CCNF: variants seen among roughly 807,000 people sequenced by gnomAD.
CCNF encodes cyclin-F.
CCNF carries 30 observed loss-of-function variants against 85.4 expected under a neutral mutation model. That is an observed-to-expected ratio of 0.35 (90% CI 0.26 to 0.48). CCNF has a LOEUF of 0.48. CCNF is among the 20% of genes least tolerant of loss of function. The pLI, the probability that CCNF is intolerant of heterozygous loss-of-function variation, is 0.99. For synonymous variants in CCNF, 439 were observed against 425.1 expected (o/e 1.03, Z -0.40); for missense variants, 919 against 1,010.4 (o/e 0.91, Z 1.23).
In CCNF at chr16:2,453,914, C is replaced by T. The variant is rs2065409836; in HGVS notation, c.1715+377C>T. On this transcript the variant is annotated intron_variant, in intron 15 of 16. Coordinates refer to ENST00000397066, the MANE Select transcript of CCNF (RefSeq NM_001761.3). This position sits in a 1 kb window ranked among gnomAD's most constrained non-coding sequence, Gnocchi z 5.6. ...CCGGCACTCGAGCTGTGACCTGAGT[C>T]ACATCCCCAGCACTTCCCTCGCCAC... is the stretch of plus-strand genomic sequence containing the variant. Among the ~76,000 whole-genome samples, 1 of 152,188 alleles carries T rather than the reference C, an allele frequency of 6.6e-6. No individual in the cohort carries two copies. The highest frequency in any genetic ancestry group is 2.1e-4 in the South Asian group (1 of 4,834).
chr16:2,435,626 CACATAT>C (rs2065285189), intron 3 of CCNF, among the ~76,000 whole-genome samples, 174 bp from the exon 4 acceptor site: 3 of 10,992 alleles, frequency 2.7e-4, no homozygotes, highest in Non-Finnish European at 1.4e-4. Context: ...CACACACACA[CACATAT>C]ATATGCACAC....
At chr16:2,443,122 T>A (rs1207630119) in intron 8 of CCNF, among the ~76,000 whole-genome samples, 1 of 133,464 alleles carries the variant, frequency 7.5e-6, no homozygotes, top group African/African-American at 2.8e-5. Flanking sequence ...ATATTACATA[T>A]TATATATTAT....
chr16:2,455,844 C>G (rs1172387082), intron 16 of CCNF, among the ~76,000 whole-genome samples: 2 of 152,180 alleles, frequency 1.3e-5, no homozygotes, highest in Non-Finnish European at 2.9e-5. Flanking sequence ...GAGGACCTCA[C>G]TAGGATGAGG....
chr16:2,449,314 G>A lies in CCNF; in HGVS notation c.1251G>A (p.Leu417=), dbSNP rs1301088609. ...VPTVVDYKEV[L]LTLVPVELRT... ...CTGTGGTGGATTACAAGGAGGTCCT[G>A]CTGACGCTAGTCCCTGTGGAGCTGA... Residue 417 remains leucine (L), a synonymous_variant, in exon 12 of 17, where the codon CTG becomes CTA. Transcript: ENST00000397066. The A allele has an allele frequency of 6.2e-7, 1 of 1,613,916 alleles. No individual in the cohort carries two copies. The highest frequency in any genetic ancestry group is 1.7e-5 in the Admixed American group (1 of 60,034).
Position 2,449,100 on chromosome 16 carries a change from T to C in CCNF, c.1218+122T>C, listed in dbSNP as rs1032760519. ...GGACTCAGAGAGCAGCTGTCTCTGC[T>C]GTGCCCAAAGCCATGGAGCAGGAGG... On this transcript the variant is annotated intron_variant, in intron 11 of 16. Coordinates refer to ENST00000397066, the MANE Select transcript of CCNF (RefSeq NM_001761.3). 2.0e-6 allele frequency: 3 copies of C among 1,484,710 alleles called. No individual in the cohort carries two copies. In the South Asian group the frequency reaches 3.4e-5, roughly 17 times the overall value. 92.0% of individuals were successfully genotyped at this position (1,484,710 alleles called of 1,614,324 possible).
intron 8 of CCNF, among the ~76,000 whole-genome samples, chr16:2,440,213 C>T (rs1000066615): frequency 5.3e-5 from 8 of 152,310 alleles, no homozygotes; most frequent in African/African-American, 1.7e-4. Context: ...AGAGTCCCTT[C>T]CTGCTTCCTC....
At chr16:2,443,273 A>G (rs2065342643) in intron 8 of CCNF, among the ~76,000 whole-genome samples, 1 of 150,006 alleles carries the variant, frequency 6.7e-6, no homozygotes, top group African/African-American at 2.5e-5. Context: ...TGCTGGGATG[A>G]AGCTGTGATG....
At chr16:2,446,307 C>G (rs561639647) in intron 10 of CCNF, among the ~76,000 whole-genome samples, 58 of 152,162 alleles carry the variant, frequency 3.8e-4, no homozygotes, top group Non-Finnish European at 8.8e-5. Flanking sequence ...CTGCCCTTCT[C>G]TGAAGTTGGG....
rs756914411 is a variant in CCNF at position 2,453,450 on chromosome 16, C to T, written c.1628C>T (p.Thr543Ile). Residue 543 changes from threonine to isoleucine, a missense_variant, in exon 15 of 17, where the codon ACA becomes ATA. Thr to Ile is a moderately conservative substitution (Grantham distance 89). Transcript: ENST00000397066. The surrounding 1 kb of genome is among the most constrained non-coding windows in gnomAD (Gnocchi z 5.6). ...YSQLCAALGV[T>I]QDSPDPPTFL... ...CAGTTGTGTGCTGCATTAGGAGTGA[C>T]ACAAGACAGCCCCGACCCCCCGACT... The T allele has an allele frequency of 1.2e-5, 20 of 1,613,956 alleles. No individual in the cohort carries two copies. The highest frequency in any genetic ancestry group is 1.6e-4 in the Middle Eastern group (1 of 6,082).
At chr16:2,441,851 G>C (rs755211187) in intron 8 of CCNF, among the ~76,000 whole-genome samples, 11 of 145,794 alleles carry the variant, frequency 7.5e-5, no homozygotes, top group Non-Finnish European at 1.3e-4. Context: ...AAACTCAAGT[G>C]GTTAGAAATT....
intron 3 of CCNF, among the ~76,000 whole-genome samples, chr16:2,434,356 T>C (rs1191370339): frequency 6.6e-6 from 1 of 152,190 alleles, no homozygotes; most frequent in African/African-American, 2.4e-5. Context: ...GGCTCACGCC[T>C]GTAATCCCAG....
chr16:2,436,272 A>G (rs908549949), intron 4 of CCNF: 5 of 161,160 alleles, frequency 3.1e-5, no homozygotes, highest in Non-Finnish European at 1.4e-5. Flanking sequence ...CCTGTAACAC[A>G]GAGCCAGGCT....
rs557511212 is a variant in CCNF, at chr16:2,454,857, C to T, written c.1716-538C>T. ...GGCGGATCACCTGAAGTTAGGAGTT[C>T]GAGACCAACCTGCCCATCATGGTGA... is the stretch of plus-strand genomic sequence containing the variant. On this transcript the variant is annotated intron_variant, in intron 15 of 16. Transcript: ENST00000397066. Among the ~76,000 whole-genome samples the T allele has an allele frequency of 7.9e-5, 12 of 152,148 alleles. No homozygotes were observed. The East Asian group carries it at 1.5e-3, about 20-fold the overall frequency.
intron 4 of CCNF, chr16:2,436,447 C>T (rs1377570763): frequency 6.6e-6 from 1 of 152,340 alleles, no homozygotes; most frequent in Non-Finnish European, 1.5e-5. Flanking sequence ...TGATCTGTCC[C>T]AGCTCTCAAA....
intron 11 of CCNF, 103 bp downstream of exon 11, chr16:2,449,081 A>G: frequency 6.5e-7 from 1 of 1,527,334 alleles, no homozygotes; most frequent in Non-Finnish European, 9.0e-7. Context: ...TCATGGACTC[A>G]GAGAGCAGCT....
chr16:2,435,182 C>G (rs1013642650), intron 3 of CCNF, among the ~76,000 whole-genome samples: 5 of 143,518 alleles, frequency 3.5e-5, no homozygotes, highest in Non-Finnish European at 7.5e-5. Flanking sequence ...ACCTGGGAGG[C>G]GGAGCTTGTA....
chr16:2,441,981 A>ATATATATATG (rs1322601122), intron 8 of CCNF, among the ~76,000 whole-genome samples: 3 of 98,750 alleles, frequency 3.0e-5, no homozygotes, highest in Non-Finnish European at 4.1e-5. Flanking sequence ...ATATATATAT[A>ATATATATATG]TGTTTTTGTT....
intron 4 of CCNF, 158 bp downstream of exon 4, chr16:2,436,031 C>T (rs2065289341): frequency 1.8e-6 from 1 of 543,328 alleles, no homozygotes. Flanking sequence ...CCCAGATGTA[C>T]CCTGCTGAGG....
intron 16 of CCNF, among the ~76,000 whole-genome samples, chr16:2,455,765 C>T (rs908110377): frequency 4.6e-5 from 7 of 152,206 alleles, no homozygotes; most frequent in African/African-American, 1.7e-4. Context: ...AAGACCACAG[C>T]TGCTCCCACC....
Sources: allele counts gnomAD v4.1 joint callset (sites outside exome capture counted in the v4.1 genomes callset), GRCh38; gene constraint gnomAD v4.1.1; non-coding constraint Gnocchi (gnomAD v3.1); transcripts MANE v1.5; gene names NCBI Gene and HGNC (gene_info 2026-07-23, HGNC 2026-07-21).